Variants in MAGI1 observed in about 807,000 individuals in gnomAD.
The protein encoded by MAGI1 is membrane-associated guanylate kinase, WW and PDZ domain-containing protein 1.
In MAGI1, 58 loss-of-function variants were observed where a neutral mutation model predicts 139.9. The observed-to-expected ratio is 0.41, with a 90% CI of 0.34 to 0.52. The LOEUF (loss-of-function observed/expected upper bound fraction) is 0.52. Ranked by LOEUF, MAGI1 falls within the 20% of genes least tolerant of loss-of-function variation. MAGI1 has a pLI of 0.12. For missense variants in MAGI1, 1,874 were observed against 1,901.6 expected (o/e 0.99, Z 0.27); for synonymous variants, 812 against 737.9 (o/e 1.10, Z -1.63).
chr3:65,608,698 T>G (rs2082877054), intron 2 of MAGI1, among the ~76,000 whole-genome samples: 1 of 152,160 alleles, frequency 6.6e-6, no homozygotes, highest in South Asian at 2.1e-4. Flanking sequence ...GAGTGCAAAT[T>G]GGTATAACTA....
chr3:65,937,292 A>G (rs1383892370), intron 1 of MAGI1, among the ~76,000 whole-genome samples: 3 of 151,944 alleles, frequency 2.0e-5, no homozygotes, highest in African/African-American at 7.3e-5. Flanking sequence ...AGCCAGCCCC[A>G]CCCTGACACT....
intron 1 of MAGI1, among the ~76,000 whole-genome samples, chr3:65,867,533 G>A (rs1378773005): frequency 2.6e-5 from 4 of 152,080 alleles, no homozygotes; most frequent in South Asian, 2.1e-4. Flanking sequence ...CTAGGAGTTC[G>A]AGACTAGCCT....
chr3:65,433,792 G>C (rs375866687), intron 10 of MAGI1, among the ~76,000 whole-genome samples: 1 of 151,956 alleles, frequency 6.6e-6, no homozygotes. Context: ...TGCCAGGATG[G>C]GGGGAGGGGA....
chr3:65,879,024 C>T (rs1233758481), intron 1 of MAGI1, among the ~76,000 whole-genome samples: 1 of 152,128 alleles, frequency 6.6e-6, no homozygotes, highest in African/African-American at 2.4e-5. Context: ...AAAGTCAATA[C>T]AAGCCTCACT....
At chr3:65,453,090 C>T (rs961361898) in intron 6 of MAGI1, 168 bp downstream of exon 6, 2 of 617,906 alleles carry the variant, frequency 3.2e-6, no homozygotes, top group African/African-American at 3.7e-5. Flanking sequence ...CTTGAAACAA[C>T]TCTGACTTTC....
chr3:65,428,052 T>C (rs1356294010), intron 12 of MAGI1, among the ~76,000 whole-genome samples: 1 of 152,178 alleles, frequency 6.6e-6, no homozygotes, highest in African/African-American at 2.4e-5. Flanking sequence ...AGCATTTCAA[T>C]TCACATAGAC....
At chr3:65,448,659 T>G (rs562403056) in intron 6 of MAGI1, among the ~76,000 whole-genome samples, 40 of 149,944 alleles carry the variant, frequency 2.7e-4, no homozygotes, top group African/African-American at 9.3e-4. Flanking sequence ...CCTGAAGGAG[T>G]GTTGGGAGGC....
At chr3:65,366,122 ATGGGG>A (rs1222675323) in intron 18 of MAGI1, among the ~76,000 whole-genome samples, 1 of 152,176 alleles carries the variant, frequency 6.6e-6, no homozygotes, top group Non-Finnish European at 1.5e-5. Flanking sequence ...ATCTGTTAAA[ATGGGG>A]TGATGACAAT....
chr3:65,476,990 G>T (rs867000069), intron 4 of MAGI1, among the ~76,000 whole-genome samples: 3 of 152,122 alleles, frequency 2.0e-5, no homozygotes, highest in Admixed American at 2.0e-4. Context: ...AATTTTCATG[G>T]AGTCAAATTC....
At chr3:65,592,655 G>C (rs112467464) in intron 2 of MAGI1, among the ~76,000 whole-genome samples, 584 of 152,250 alleles carry the variant, frequency 3.8e-3, no homozygotes, top group African/African-American at 0.014. Context: ...GTGCAGAAAA[G>C]TTAGGAGGGA....
At chr3:65,747,192 G>A (rs4330283) in intron 1 of MAGI1, among the ~76,000 whole-genome samples, 40,879 of 152,166 alleles carry the variant, frequency 0.27, 6,576 homozygotes, top group East Asian at 0.43. Context: ...GTATGAAAGT[G>A]GTTCTCAAAC....
chr3:65,723,682 T>C (rs1324834774), intron 1 of MAGI1, among the ~76,000 whole-genome samples: 4 of 152,220 alleles, frequency 2.6e-5, no homozygotes, highest in African/African-American at 9.6e-5. Context: ...ACACATATGC[T>C]CCTCTTAAAC....
chr3:65,848,379 G>A (rs764663123), intron 1 of MAGI1, among the ~76,000 whole-genome samples: 4 of 152,128 alleles, frequency 2.6e-5, no homozygotes, highest in Admixed American at 1.3e-4. Flanking sequence ...ATCGATATCT[G>A]ATGGCCTGAG....
intron 1 of MAGI1, among the ~76,000 whole-genome samples, chr3:65,783,939 A>C (rs2039162565): frequency 6.6e-6 from 1 of 151,956 alleles, no homozygotes; most frequent in Non-Finnish European, 1.5e-5. Context: ...CCTGACCAAC[A>C]CAGTGAAACC....
At chr3:65,415,828 G>T (rs1349700497) in intron 12 of MAGI1, among the ~76,000 whole-genome samples, 2 of 152,154 alleles carry the variant, frequency 1.3e-5, no homozygotes, top group Non-Finnish European at 2.9e-5. Context: ...CTGGGGAGAC[G>T]GGGGTGCTAC....
chr3:65,708,120 T>C (rs757096089), intron 1 of MAGI1, among the ~76,000 whole-genome samples: 1 of 152,162 alleles, frequency 6.6e-6, no homozygotes, highest in Non-Finnish European at 1.5e-5. Context: ...AAAAATAATC[T>C]TTAGAATCAA....
At chr3:65,616,809 G>A (rs2083396563) in intron 2 of MAGI1, among the ~76,000 whole-genome samples, 1 of 152,190 alleles carries the variant, frequency 6.6e-6, no homozygotes, top group Non-Finnish European at 1.5e-5. Context: ...CACATTCCAG[G>A]AGACAAACTA....
At chr3:65,564,015 G>C (rs984620947) in intron 2 of MAGI1, among the ~76,000 whole-genome samples, 4 of 152,092 alleles carry the variant, frequency 2.6e-5, no homozygotes, top group African/African-American at 7.2e-5. Flanking sequence ...TGACATTTAG[G>C]CTTTCATGCA....
chr3:65,968,276 C>G (rs1240697321), intron 1 of MAGI1, among the ~76,000 whole-genome samples: 1 of 152,126 alleles, frequency 6.6e-6, no homozygotes, highest in Non-Finnish European at 1.5e-5. Context: ...TTTTATTTTA[C>G]AAATGCAATT....
Sources: gnomAD v4.1 joint callset for allele counts (sites outside exome capture counted in the v4.1 genomes callset) on GRCh38, gnomAD v4.1.1 for gene constraint, MANE v1.5 for transcripts, NCBI Gene and HGNC (gene_info 2026-07-23, HGNC 2026-07-21) for gene names.